RNF214: variants seen among roughly 807,000 people sequenced by gnomAD.
RNF214 encodes the protein ring finger protein 214.
RNF214 carries 25 observed loss-of-function variants against 75.9 expected under a neutral mutation model. The ratio of observed to expected loss-of-function variants is 0.33; its 90% CI spans 0.24 to 0.46. RNF214 has a LOEUF of 0.46. Ranked by LOEUF, RNF214 falls within the 20% of genes least tolerant of loss-of-function variation. The probability of loss-of-function intolerance (pLI) is 1.00; values close to 1 mark genes in which losing one functional copy is unlikely to be tolerated. For missense variants in RNF214, 725 were observed against 857.5 expected, an observed-to-expected ratio of 0.85 and a Z score of 1.93; for synonymous variants, 314 against 308.8, an observed-to-expected ratio of 1.02 and a Z score of -0.18.
chr11:117,236,707 G>A (rs755651392), intron 2 of RNF214, among the ~76,000 whole-genome samples: 3 of 152,158 alleles, frequency 2.0e-5, no homozygotes, highest in East Asian at 1.9e-4. Context: ...CGCATTTACC[G>A]GTGAGGAAAC....
At chr11:117,275,283 C>T (rs2033994359) in intron 6 of RNF214, among the ~76,000 whole-genome samples, 1 of 151,976 alleles carries the variant, frequency 6.6e-6, no homozygotes, top group Admixed American at 6.6e-5. Flanking sequence ...GTTTATAGTG[C>T]CAAATGCCTT....
At chr11:117,279,126 C>G (rs1404903866) in intron 6 of RNF214, among the ~76,000 whole-genome samples, 1 of 152,006 alleles carries the variant, frequency 6.6e-6, no homozygotes, top group Non-Finnish European at 1.5e-5. Flanking sequence ...AAAGTGGACC[C>G]CTGTGTTTGG....
Position 117,242,343 on chromosome 11 carries a change from A to C in RNF214, c.679-2102A>C, listed in dbSNP as rs565957040. ...TATTTGGTGCAAGTTGAAGAAATTG[A>C]AGGGCATACGGAAAAAAGTTACTGG... On this transcript the variant is annotated intron_variant, in intron 4 of 14. Coordinates refer to ENST00000300650, the MANE Select transcript of RNF214 (RefSeq NM_207343.4). Among the ~76,000 whole-genome samples, 3 of 152,334 alleles carry C rather than the reference A, an allele frequency of 2.0e-5. No individual in the cohort carries two copies. The South Asian group carries it at 6.2e-4, about 32-fold the overall frequency.
chr11:117,236,309 C>T (rs890855765), intron 2 of RNF214, among the ~76,000 whole-genome samples: 3 of 145,160 alleles, frequency 2.1e-5, no homozygotes, highest in African/African-American at 7.7e-5. Flanking sequence ...CATCTTGCTC[C>T]GTCACCCAGG....
chr11:117,243,604 G>A (rs2033138069), intron 4 of RNF214, among the ~76,000 whole-genome samples: 1 of 152,116 alleles, frequency 6.6e-6, no homozygotes. Flanking sequence ...TGTGTTTTAA[G>A]TTGACCCTCT....
intron 6 of RNF214, among the ~76,000 whole-genome samples, chr11:117,275,544 T>C (rs2033999683): frequency 6.6e-6 from 1 of 151,956 alleles, no homozygotes; most frequent in Non-Finnish European, 1.5e-5. Context: ...TAGTCAAAAA[T>C]GAAAATAGAG....
At chr11:117,264,508 G>A (rs975577675) in intron 6 of RNF214, among the ~76,000 whole-genome samples, 14 of 151,914 alleles carry the variant, frequency 9.2e-5, no homozygotes, top group Non-Finnish European at 1.8e-4. Context: ...CACCTACTAT[G>A]TACCCACAAA....
intron 6 of RNF214, among the ~76,000 whole-genome samples, chr11:117,249,891 G>C (rs1354130613): frequency 6.6e-6 from 1 of 152,144 alleles, no homozygotes; most frequent in Non-Finnish European, 1.5e-5. Context: ...CAATTACACT[G>C]GGGTTAGGGC....
In RNF214 at chr11:117,283,147, C is replaced by T. The variant is rs2034164094; in HGVS notation, c.1983C>T (p.Cys661=). ...APATCKLCLM[C]QKLVQPSELH... ...CCACCTGTAAGCTATGTCTAATGTG[C>T]CAGAAACTCGTCCAGCCCAGTGAGC... The change falls in exon 14 of 15, where the codon TGC becomes TGT. Residue 661 remains cysteine (C), a synonymous_variant. Coordinates refer to ENST00000300650, the MANE Select transcript of RNF214 (RefSeq NM_207343.4). The T allele has an allele frequency of 6.2e-7, 1 of 1,614,076 alleles. No individual in the cohort carries two copies. Among genetic ancestry groups the T allele is most frequent in the African/African-American group, 1.3e-5 (1 of 75,028 alleles).
chr11:117,282,165 G>A lies in RNF214; in HGVS notation c.1607G>A (p.Gly536Asp). 6.2e-7 allele frequency: 1 copy of A among 1,613,920 alleles called. No individual in the cohort carries two copies. The highest frequency in any genetic ancestry group is 2.2e-5 in the East Asian group (1 of 44,874). Residue 536 changes from glycine (G) to aspartate (D), a missense_variant, in exon 11 of 15, where the codon GGC becomes GAC. Coordinates refer to ENST00000300650, the MANE Select transcript of RNF214 (RefSeq NM_207343.4). ...GCCGCCTCCATCCCACCTCCCCCAG[G>A]CTTGGGCGGTGTTAAGGCTTCTGCT... Reference protein sequence around the residue: ...PPAASIPPPPGLGGVKASAET... With the variant: ...PPAASIPPPPDLGGVKASAET...
intron 6 of RNF214, among the ~76,000 whole-genome samples, chr11:117,271,245 G>A (rs985824845): frequency 6.6e-6 from 1 of 152,082 alleles, no homozygotes; most frequent in African/African-American, 2.4e-5. Context: ...ATCGTTTTCT[G>A]TACCCTAACA....
At chr11:117,270,634 G>T (rs376742005) in intron 6 of RNF214, among the ~76,000 whole-genome samples, 3 of 151,572 alleles carry the variant, frequency 2.0e-5, no homozygotes, top group African/African-American at 2.4e-5. Context: ...TTTTAGTACA[G>T]ACAGGGTTTT....
rs1449294055 is a variant in RNF214, at chr11:117,282,163, A to T, written c.1605A>T (p.Pro535=). ...MPPAASIPPP[P]GLGGVKASAE... ...CTGCCGCCTCCATCCCACCTCCCCC[A>T]GGCTTGGGCGGTGTTAAGGCTTCTG... The change falls in exon 11 of 15, where the codon CCA becomes CCT. Residue 535 remains proline, a synonymous_variant. Transcript: ENST00000300650. The T allele has an allele frequency of 5.6e-6, 9 of 1,613,716 alleles. No homozygotes were observed.
rs558689647 is a variant in RNF214, at chr11:117,239,504, G to T, written c.619-297G>T. 5.8e-4 allele frequency: 273 copies of T among 469,044 alleles called. 4 individuals carry two copies. In the South Asian group the frequency reaches 6.2e-3, roughly 11 times the overall value. 29.1% of individuals were successfully genotyped at this position (469,044 alleles called of 1,614,324 possible). ...TGCCTTCTAGTGACGGGTGTGCTTT[G>T]TTGTAGGAGAAAGTATGGGCACAAC... On this transcript the variant is annotated intron_variant, in intron 3 of 14. Coordinates refer to ENST00000300650, the MANE Select transcript of RNF214 (RefSeq NM_207343.4).
chr11:117,254,696 T>C (rs2033479906), intron 6 of RNF214, among the ~76,000 whole-genome samples: 1 of 151,956 alleles, frequency 6.6e-6, no homozygotes, highest in African/African-American at 2.4e-5. Context: ...CGATCTCAGC[T>C]CACTGCAACC....
Position 117,239,074 on chromosome 11 carries a change from G to C in RNF214, c.581G>C (p.Ser194Thr). The change falls in exon 3 of 15, where the codon AGC (serine) becomes ACC (threonine). Residue 194 changes from serine (S) to threonine (T), a missense_variant. Coordinates refer to ENST00000300650, the MANE Select transcript of RNF214 (RefSeq NM_207343.4). ...VRVDQDDDQD[S>T]SSLKLSQNIA... ...GTGGATCAGGATGATGATCAAGATA[G>C]CTCTTCCCTGAAGCTTTCTCAGAAC... The C allele has an allele frequency of 6.2e-7, 1 of 1,613,678 alleles. No homozygotes were observed. The highest frequency in any genetic ancestry group is 1.7e-5 in the Admixed American group (1 of 59,988).
chr11:117,244,901 A>G, intron 5 of RNF214, among the ~76,000 whole-genome samples: 1 of 151,878 alleles, frequency 6.6e-6, no homozygotes, highest in Non-Finnish European at 1.5e-5. Context: ...TCCAGACTCA[A>G]GAAATCCACC....
chr11:117,239,542 G>A, intron 3 of RNF214: 1 of 508,872 alleles, frequency 2.0e-6, no homozygotes, highest in Non-Finnish European at 3.5e-6. Flanking sequence ...ACTGTAGAGG[G>A]CAGACGTCTC....
At chr11:117,253,288 C>T in intron 6 of RNF214, among the ~76,000 whole-genome samples, 1 of 152,190 alleles carries the variant, frequency 6.6e-6, no homozygotes, top group East Asian at 1.9e-4. Context: ...ACCACTGTGC[C>T]TGGTCTAATT....
Sources: allele counts gnomAD v4.1 joint callset (sites outside exome capture counted in the v4.1 genomes callset), GRCh38; gene constraint gnomAD v4.1.1; transcripts MANE v1.5; gene names NCBI Gene and HGNC (gene_info 2026-07-23, HGNC 2026-07-21).